Variants in SAMD5 observed in about 807,000 individuals in gnomAD.
The protein encoded by SAMD5 is sterile alpha motif domain containing 5.
A neutral mutation model predicts 11.3 loss-of-function variants in SAMD5; 13 were observed. The ratio of observed to expected loss-of-function variants is 1.15; its 90% CI spans 0.75 to 1.83. The LOEUF (loss-of-function observed/expected upper bound fraction) is 1.83, where lower values mean the gene tolerates loss of function less well. Ranked by LOEUF, SAMD5 falls within the 40% of genes most tolerant of loss-of-function variation. SAMD5 has a pLI of 0.00. For synonymous variants in SAMD5, 129 were observed against 111.3 expected (o/e 1.16, Z -1.00); for missense variants, 255 against 239.1 (o/e 1.07, Z -0.44).
At chr6:147,816,291 A>ATATATATATAT in the SAMD5 span, among the ~76,000 whole-genome samples, 3 of 92,418 alleles carry the variant, frequency 3.2e-5, no homozygotes, top group African/African-American at 1.7e-4. Flanking sequence ...CAAAAAAAAA[A>ATATATATATAT]AAAAAAAAAA....
intron 1 of SAMD5, among the ~76,000 whole-genome samples, chr6:147,551,685 C>G (rs1340135573): frequency 6.6e-6 from 1 of 151,632 alleles, no homozygotes; most frequent in Non-Finnish European, 1.5e-5. Flanking sequence ...ATAAAAACAA[C>G]TCCCTTAAAG....
At chr6:147,816,416 T>C in the SAMD5 span, among the ~76,000 whole-genome samples, 2 of 148,082 alleles carry the variant, frequency 1.4e-5, no homozygotes, top group African/African-American at 5.0e-5. Context: ...ATCAGAGTAT[T>C]GGTTAAATAT....
chr6:147,852,104 G>A, the SAMD5 span, among the ~76,000 whole-genome samples: 1 of 151,852 alleles, frequency 6.6e-6, no homozygotes, highest in East Asian at 1.9e-4. Context: ...ATATTTACTA[G>A]CATTTGTTTT....
intron 1 of SAMD5, among the ~76,000 whole-genome samples, chr6:147,704,547 T>G (rs1364086512): frequency 1.3e-5 from 2 of 151,920 alleles, no homozygotes; most frequent in African/African-American, 2.4e-5. Context: ...ATATTTCTGA[T>G]GCAAATCAGA....
At chr6:147,922,427 T>C in the SAMD5 span, among the ~76,000 whole-genome samples, 1 of 152,150 alleles carries the variant, frequency 6.6e-6, no homozygotes, top group Non-Finnish European at 1.5e-5. Context: ...TCCGGGTGTA[T>C]GTGGGTTGTT....
chr6:147,771,352 G>A, the SAMD5 span, among the ~76,000 whole-genome samples: 3 of 152,180 alleles, frequency 2.0e-5, no homozygotes, highest in Non-Finnish European at 4.4e-5. Context: ...AATGGTTGCA[G>A]TTGTGGTTCC....
At chr6:147,714,135 C>T (rs1223573018) in intron 1 of SAMD5, among the ~76,000 whole-genome samples, 1 of 152,130 alleles carries the variant, frequency 6.6e-6, no homozygotes, top group Non-Finnish European at 1.5e-5. Flanking sequence ...AGTGACGATA[C>T]TAAATAGGCC....
In SAMD5 at chr6:147,613,470, G is replaced by C. The variant is rs369473850; in HGVS notation, c.162+104083G>C. Among the ~76,000 whole-genome samples the C allele has an allele frequency of 1.8e-3, 272 of 151,972 alleles. 4 individuals carry two copies. The highest frequency in any genetic ancestry group is 6.0e-3 in the African/African-American group (249 of 41,326). Reference sequence around the variant, plus strand: ...CAGGGATTATTCTCTCCTCCTAACAGTTCTCTTCCACTGCCACCTTGAGAC... The same window carrying C: ...CAGGGATTATTCTCTCCTCCTAACACTTCTCTTCCACTGCCACCTTGAGAC... On this transcript the variant is annotated intron_variant, in intron 1 of 1. Coordinates refer to the SAMD5 transcript ENST00000566741.
At chr6:147,738,771 T>C (rs1235944161), downstream of SAMD5, among the ~76,000 whole-genome samples, 1 of 152,242 alleles carries the variant, frequency 6.6e-6, no homozygotes, top group Non-Finnish European at 1.5e-5. Context: ...CCCCTGACTG[T>C]GGCTGACTGC....
At chr6:147,592,740 A>G (rs1431565774) in intron 1 of SAMD5, among the ~76,000 whole-genome samples, 1 of 152,080 alleles carries the variant, frequency 6.6e-6, no homozygotes, top group Non-Finnish European at 1.5e-5. Context: ...TAATACCCAT[A>G]TTGAAAGGAT....
chr6:147,635,412 T>C (rs188972148), intron 1 of SAMD5, among the ~76,000 whole-genome samples: 224 of 152,336 alleles, frequency 1.5e-3, no homozygotes, highest in Admixed American at 3.5e-3. Flanking sequence ...GTTTTACATA[T>C]GAGAAAAATG....
At chr6:147,563,363 A>G (rs1788985428) in intron 1 of SAMD5, among the ~76,000 whole-genome samples, 1 of 152,214 alleles carries the variant, frequency 6.6e-6, no homozygotes, top group Non-Finnish European at 1.5e-5. Context: ...GGGAGCTTAC[A>G]AGGCTTGGAG....
intron 1 of SAMD5, among the ~76,000 whole-genome samples, chr6:147,688,717 C>G (rs1791052936): frequency 6.6e-6 from 1 of 152,222 alleles, no homozygotes; most frequent in African/African-American, 2.4e-5. Flanking sequence ...CTCCAAGCTT[C>G]TCTCATCTTA....
chr6:147,816,739 A>T, the SAMD5 span, among the ~76,000 whole-genome samples: 1 of 152,198 alleles, frequency 6.6e-6, no homozygotes, highest in African/African-American at 2.4e-5. Context: ...GGAAAGGACA[A>T]TAGGGATACT....
chr6:147,569,566 C>T lies in SAMD5; in HGVS notation c.*5110C>T, dbSNP rs1789104001. ...ATTAGATGAATTATCCCTTATCATT[C>T]CAAAAATGAAATGCTGTGTTAAATA... On this transcript the variant is annotated 3_prime_UTR_variant, in exon 2 of 2. Coordinates refer to ENST00000367474, the MANE Select transcript of SAMD5 (RefSeq NM_001030060.3). 1 of 955,894 alleles carries T rather than the reference C, an allele frequency of 1.0e-6. No homozygotes were observed. The highest frequency in any genetic ancestry group is 1.2e-6 in the Non-Finnish European group (1 of 803,074). The allele number at this position is 955,894 out of a possible 1,614,324, so 59.2% of individuals were successfully genotyped here.
the SAMD5 span, among the ~76,000 whole-genome samples, chr6:147,799,069 T>C: frequency 6.6e-6 from 1 of 152,212 alleles, no homozygotes; most frequent in South Asian, 2.1e-4. Context: ...TCCATTTACA[T>C]TTAAAGTTAA....
chr6:147,680,266 C>T (rs756942251), intron 1 of SAMD5, among the ~76,000 whole-genome samples: 4 of 152,014 alleles, frequency 2.6e-5, no homozygotes, highest in African/African-American at 7.2e-5. Context: ...TTGTCAGAAT[C>T]ATCTCTTGGA....
the SAMD5 span, among the ~76,000 whole-genome samples, chr6:147,902,847 A>G: frequency 1.3e-5 from 2 of 152,208 alleles, no homozygotes; most frequent in African/African-American, 4.8e-5. Context: ...TCTGATTTTT[A>G]TCATAATTAT....
At chr6:147,634,342 T>C (rs1203720851) in intron 1 of SAMD5, among the ~76,000 whole-genome samples, 1 of 152,036 alleles carries the variant, frequency 6.6e-6, no homozygotes, top group African/African-American at 2.4e-5. Flanking sequence ...AGGGGGAGGT[T>C]GTACACACAC....
Sources: gnomAD v4.1 joint callset for allele counts (sites outside exome capture counted in the v4.1 genomes callset) on GRCh38, gnomAD v4.1.1 for gene constraint, MANE v1.5 for transcripts, NCBI Gene and HGNC (gene_info 2026-07-23, HGNC 2026-07-21) for gene names.